EML6: variants seen among roughly 807,000 people sequenced by gnomAD.
EML6 encodes EMAP like 6.
A neutral mutation model predicts 240.1 loss-of-function variants in EML6; 154 were observed. The ratio of observed to expected loss-of-function variants is 0.64; its 90% CI spans 0.56 to 0.73. The LOEUF (loss-of-function observed/expected upper bound fraction) is 0.73, where lower values mean the gene tolerates loss of function less well. Ranked by LOEUF, EML6 falls within the 30% of genes least tolerant of loss-of-function variation. The pLI is 0.00. For synonymous variants in EML6, 1,148 were observed against 899.0 expected (o/e 1.28, Z -4.95); for missense variants, 2,964 against 2,474.6 (o/e 1.20, Z -4.20).
chr2:54,840,509 G>A (rs976415597), intron 7 of EML6, among the ~76,000 whole-genome samples: 2 of 152,146 alleles, frequency 1.3e-5, no homozygotes, highest in African/African-American at 2.4e-5. Flanking sequence ...CTTCATTACG[G>A]TAGGGGCCTA....
At chr2:54,820,293 G>A in intron 4 of EML6, 101 bp from the exon 5 acceptor site, 1 of 703,692 alleles carries the variant, frequency 1.4e-6, no homozygotes, top group Non-Finnish European at 2.5e-6. Flanking sequence ...GTAACATTGT[G>A]TTCTAAATGT....
chr2:54,901,824 G>A (rs1030079447), intron 22 of EML6, among the ~76,000 whole-genome samples: 5 of 152,160 alleles, frequency 3.3e-5, no homozygotes, highest in African/African-American at 9.7e-5. Flanking sequence ...TGCTTACAAC[G>A]CTCGACAATA....
At chr2:54,841,529 C>T (rs906916536) in intron 7 of EML6, among the ~76,000 whole-genome samples, 6 of 151,532 alleles carry the variant, frequency 4.0e-5, no homozygotes, top group Non-Finnish European at 8.8e-5. Context: ...TGTCCGCGTA[C>T]CCCAAATTAC....
At chr2:54,776,049 CTTTATCTAG>C (rs1668581243) in intron 2 of EML6, among the ~76,000 whole-genome samples, 1 of 152,086 alleles carries the variant, frequency 6.6e-6, no homozygotes, top group Non-Finnish European at 1.5e-5. Context: ...TTTATGATGT[CTTTATCTAG>C]TTTTGATAAC....
In EML6 at chr2:54,779,879, AAAG is replaced by A. The variant is rs200724042; in HGVS notation, c.198-33350_198-33348del. ...TCAAAAAAAAAGAAAAAAAAAAAAA[AAAG>A]AATATAGTAAGGAAGGCAGGAGGGA... On this transcript the variant is annotated intron_variant, in intron 2 of 41. Coordinates refer to ENST00000356458, the MANE Select transcript of EML6 (RefSeq NM_001039753.4). Among the ~76,000 whole-genome samples, 1,273 of 151,008 alleles carry A rather than the reference AAAG, an allele frequency of 8.4e-3. 14 individuals carry two copies. Among genetic ancestry groups the A allele is most frequent in the African/African-American group, 0.027 (1,124 of 41,040 alleles).
At chr2:54,813,096 T>G in intron 2 of EML6, 136 bp from the exon 3 acceptor site, 2 of 628,828 alleles carry the variant, frequency 3.2e-6, no homozygotes, top group East Asian at 5.6e-5. Flanking sequence ...AAGTAATTAA[T>G]TACTTTGGGG....
chr2:54,759,413 T>C (rs1667879272), intron 2 of EML6, among the ~76,000 whole-genome samples: 1 of 151,938 alleles, frequency 6.6e-6, no homozygotes, highest in Non-Finnish European at 1.5e-5. Context: ...TGGTGGTAAC[T>C]ATTATAAGAT....
chr2:54,949,087 C>A (rs999944430), intron 29 of EML6, 127 bp downstream of exon 29: 23 of 714,152 alleles, frequency 3.2e-5, no homozygotes, highest in Non-Finnish European at 4.7e-5. Context: ...TCTCTTTTGT[C>A]CCCTCTCCCT....
At position 54,745,414 on chromosome 2, in the gene EML6, C is replaced by T. The variant is rs550087798; in HGVS notation, c.197+20156C>T. ...CATGTCACAGACACTGACTGAGTGC[C>T]TGCCAGGAGATACTGATGGAGGTTA... On this transcript the variant is annotated intron_variant, in intron 2 of 41. Transcript: ENST00000356458. Among the ~76,000 whole-genome samples, 5 of 152,176 alleles carry T rather than the reference C, an allele frequency of 3.3e-5. No homozygotes were observed. In the South Asian group the frequency reaches 6.2e-4, roughly 19 times the overall value.
At chr2:54,875,855 A>G (rs895884740) in intron 16 of EML6, among the ~76,000 whole-genome samples, 6 of 152,200 alleles carry the variant, frequency 3.9e-5, no homozygotes, top group Admixed American at 3.9e-4. Context: ...CCACAGAAGT[A>G]TTTTCTAGCC....
chr2:54,835,628 T>G (rs1335110183), intron 7 of EML6, among the ~76,000 whole-genome samples: 1 of 152,122 alleles, frequency 6.6e-6, no homozygotes, highest in Non-Finnish European at 1.5e-5. Flanking sequence ...AGGTGGTTGT[T>G]CCAGAGTGTT....
chr2:54,758,638 C>A (rs1285261876), intron 2 of EML6, among the ~76,000 whole-genome samples: 3 of 152,150 alleles, frequency 2.0e-5, no homozygotes, highest in African/African-American at 4.8e-5. Flanking sequence ...TTGTCTCTCT[C>A]TTCCTTGTGA....
At chr2:54,955,058 A>G (rs1676168408) in intron 32 of EML6, among the ~76,000 whole-genome samples, 1 of 152,226 alleles carries the variant, frequency 6.6e-6, no homozygotes, top group Non-Finnish European at 1.5e-5. Flanking sequence ...TGAGGAAAAG[A>G]GCCTGACAGC....
Position 54,869,275 on chromosome 2 carries a change from C to T in EML6, c.2146C>T (p.Gln716Ter). ...TGCAGTTGCTGTCGTGTATAATCGG[C>T]AGCAGCACTCCCAGAGGCTGTACCT... ...IAAVAVVYNR[Q>*]QHSQRLYLGH... The change falls in exon 15 of 42, where the codon CAG (glutamine) becomes TAG (stop). Residue 716 changes from glutamine (Q) to a stop codon, truncating the protein, a stop_gained. Transcript: ENST00000356458. LOFTEE classifies it high-confidence loss of function. 6.4e-7 allele frequency: 1 copy of T among 1,551,628 alleles called. No individual in the cohort carries two copies. The highest frequency in any genetic ancestry group is 8.7e-7 in the Non-Finnish European group (1 of 1,146,820).
intron 28 of EML6, among the ~76,000 whole-genome samples, chr2:54,932,864 C>A (rs906317845): frequency 2.0e-5 from 3 of 152,176 alleles, no homozygotes; most frequent in Non-Finnish European, 4.4e-5. Context: ...ACCAAAGTCA[C>A]ACCTAGCTTA....
intron 2 of EML6, among the ~76,000 whole-genome samples, chr2:54,805,071 A>G (rs1189157402): frequency 6.6e-6 from 1 of 152,198 alleles, no homozygotes; most frequent in East Asian, 1.9e-4. Flanking sequence ...TGACTTGAGT[A>G]TTCCACTGAA....
intron 26 of EML6, among the ~76,000 whole-genome samples, chr2:54,920,453 G>A (rs945869017): frequency 1.3e-5 from 2 of 152,058 alleles, no homozygotes; most frequent in African/African-American, 2.4e-5. Context: ...TACCAAAACT[G>A]AAGTGCAAAG....
Position 54,960,276 on chromosome 2 carries a change from C to T in EML6, c.4910C>T (p.Ala1637Val), listed in dbSNP as rs1460352469. 1.3e-6 allele frequency: 2 copies of T among 1,551,536 alleles called. 1 individual carries two copies. The highest frequency in any genetic ancestry group is 2.4e-5 in the South Asian group (2 of 84,058). Residue 1637 changes from alanine to valine, a missense_variant, in exon 35 of 42, where the codon GCC becomes GTC. Coordinates refer to ENST00000356458, the MANE Select transcript of EML6 (RefSeq NM_001039753.4). Reference protein sequence around the residue: ...LWDQEMKRCRAFQLETGQLVE... With the variant: ...LWDQEMKRCRVFQLETGQLVE... ...GACCAGGAGATGAAGCGCTGCCGGG[C>T]CTTTCAGCTGGAGACCGGGCAGCTG...
At chr2:54,921,524 A>G (rs779610301) in intron 26 of EML6, among the ~76,000 whole-genome samples, 3 of 152,174 alleles carry the variant, frequency 2.0e-5, no homozygotes, top group South Asian at 2.1e-4. Context: ...TGCAGATTCA[A>G]TGTAATCCTT....
Sources: allele counts gnomAD v4.1 joint callset (sites outside exome capture counted in the v4.1 genomes callset), GRCh38; gene constraint gnomAD v4.1.1; transcripts MANE v1.5; gene names NCBI Gene and HGNC (gene_info 2026-07-23, HGNC 2026-07-21).